The following ERI1 variants were observed in gnomAD, a reference collection of about 807,000 sequenced individuals.
The protein encoded by ERI1 is 3'-5' exoribonuclease 1.
In ERI1, 39 loss-of-function variants were observed where a neutral mutation model predicts 39.7. The ratio of observed to expected loss-of-function variants is 0.98; its 90% CI spans 0.76 to 1.28. The LOEUF (loss-of-function observed/expected upper bound fraction) is 1.28. Among genes scored for constraint, ERI1 ranks in the 50% most tolerant of loss-of-function variants. The probability of loss-of-function intolerance (pLI) is 0.00; values close to 1 mark genes in which losing one functional copy is unlikely to be tolerated. For missense variants in ERI1, 581 were observed against 416.9 expected (o/e 1.39, Z -3.43); for synonymous variants, 204 against 149.6 (o/e 1.36, Z -2.65).
At chr8:9,066,678 C>T (rs1409933356) in intron 3 of ERI1, among the ~76,000 whole-genome samples, 1 of 152,132 alleles carries the variant, frequency 6.6e-6, no homozygotes, top group African/African-American at 2.4e-5. Flanking sequence ...ACATACTTAA[C>T]ATTTTAAGTA....
intron 3 of ERI1, among the ~76,000 whole-genome samples, chr8:9,041,119 T>G (rs1798005034): frequency 6.6e-6 from 1 of 152,098 alleles, no homozygotes; most frequent in Non-Finnish European, 1.5e-5. Flanking sequence ...AAGAGTACAG[T>G]GGGGGAACAA....
chr8:9,014,906 C>T (rs141719195), intron 3 of ERI1, among the ~76,000 whole-genome samples: 301 of 152,174 alleles, frequency 2.0e-3, no homozygotes, highest in African/African-American at 7.1e-3. Flanking sequence ...GGCTCAATCT[C>T]GGCTCACTGC....
chr8:9,013,396 G>C (rs13262827), intron 3 of ERI1, among the ~76,000 whole-genome samples: 1 of 151,066 alleles, frequency 6.6e-6, no homozygotes, highest in African/African-American at 2.4e-5. Flanking sequence ...ATTTTCTTCA[G>C]GTATAACTTG....
intron 3 of ERI1, among the ~76,000 whole-genome samples, chr8:9,059,826 G>A (rs1408004749): frequency 6.6e-6 from 1 of 152,206 alleles, no homozygotes; most frequent in East Asian, 1.9e-4. Context: ...GCATGTATGA[G>A]TAGTTGAGAA....
At chr8:9,064,058 G>A (rs12548747) in intron 3 of ERI1, among the ~76,000 whole-genome samples, 91,133 of 150,296 alleles carry the variant, frequency 0.61, 27,982 homozygotes, top group South Asian at 0.76. Flanking sequence ...AGGGGTTGGG[G>A]CACAGAGATA....
At chr8:9,095,598 T>TGGGCTCAAGCCTCCC in intron 3 of ERI1, among the ~76,000 whole-genome samples, 1 of 152,190 alleles carries the variant, frequency 6.6e-6, no homozygotes, top group South Asian at 2.1e-4. Flanking sequence ...CTCAACTTCC[T>TGGGCTCAAGCCTCCC]GGGCTCAAGC....
At chr8:9,075,587 A>G (rs1416654548) in intron 3 of ERI1, among the ~76,000 whole-genome samples, 1 of 151,852 alleles carries the variant, frequency 6.6e-6, no homozygotes, top group Non-Finnish European at 1.5e-5. Context: ...TTAGCCATGC[A>G]TTTTGTTGTT....
At chr8:9,096,610 T>A (rs768675045) in intron 3 of ERI1, 3 of 152,158 alleles carry the variant, frequency 2.0e-5, no homozygotes, top group Admixed American at 6.5e-5. Context: ...CTGCCTGATG[T>A]TGATTGTACA....
At chr8:9,023,335 G>A (rs770061951) in intron 6 of ERI1, among the ~76,000 whole-genome samples, 4 of 152,086 alleles carry the variant, frequency 2.6e-5, no homozygotes, top group Non-Finnish European at 4.4e-5. Flanking sequence ...TTATACTCCA[G>A]TTGAGAAGCT....
At chr8:9,050,273 AG>A (rs1166589683) in intron 3 of ERI1, among the ~76,000 whole-genome samples, 1 of 152,086 alleles carries the variant, frequency 6.6e-6, no homozygotes, top group Non-Finnish European at 1.5e-5. Flanking sequence ...TTTGGGAGGC[AG>A]GGGCTGGTGG....
chr8:9,081,668 C>CT (rs1563094209), intron 3 of ERI1, among the ~76,000 whole-genome samples: 1 of 150,534 alleles, frequency 6.6e-6, no homozygotes, highest in African/African-American at 2.5e-5. Context: ...TCTTCCTTTC[C>CT]TCTTCTTCTT....
intron 4 of ERI1, among the ~76,000 whole-genome samples, chr8:9,016,790 A>G (rs1817342339): frequency 2.6e-5 from 4 of 152,008 alleles, no homozygotes; most frequent in Admixed American, 2.0e-4. Context: ...GGCTCAAGCG[A>G]TTCTCCTGCC....
Position 9,054,706 on chromosome 8 carries a change from C to G in ERI1, n.299+34242C>G, listed in dbSNP as rs542697611. On this transcript the variant is annotated intron_variant and non_coding_transcript_variant, in intron 3 of 3. Transcript: ENST00000518663. ...TTGGGAGGCCAAGGGGGGCAGATCA[C>G]TTGAGGCCAAGAGTTTGAGATCAGG... Among the ~76,000 whole-genome samples, 3 of 152,350 alleles carry G rather than the reference C, an allele frequency of 2.0e-5. No homozygotes were observed. The East Asian group carries it at 5.8e-4, about 29-fold the overall frequency.
chr8:9,043,290 A>G (rs927105555), intron 3 of ERI1, among the ~76,000 whole-genome samples: 6 of 152,202 alleles, frequency 3.9e-5, no homozygotes, highest in Non-Finnish European at 7.3e-5. Context: ...AAACCTGTGT[A>G]TGCAGCACCC....
chr8:9,088,154 A>ATCC (rs1374329484), intron 3 of ERI1, among the ~76,000 whole-genome samples: 2 of 152,166 alleles, frequency 1.3e-5, no homozygotes, highest in East Asian at 3.8e-4. Flanking sequence ...CAGTTCAAAA[A>ATCC]GGAGGCCTTC....
chr8:9,003,240 T>C, intron 1 of ERI1, 69 bp downstream of exon 1: 1 of 977,626 alleles, frequency 1.0e-6, no homozygotes, highest in Non-Finnish European at 1.3e-6. Flanking sequence ...TCGGCACCCC[T>C]TTCTTCTCAG....
intron 3 of ERI1, among the ~76,000 whole-genome samples, chr8:9,095,592 A>G (rs1339348352): frequency 6.6e-6 from 1 of 152,044 alleles, no homozygotes; most frequent in Non-Finnish European, 1.5e-5. Context: ...TGCAGCCTCA[A>G]CTTCCTGGGC....
chr8:9,003,360 A>G (rs1815583878), intron 1 of ERI1, among the ~76,000 whole-genome samples, 189 bp downstream of exon 1: 1 of 152,184 alleles, frequency 6.6e-6, no homozygotes, highest in African/African-American at 2.4e-5. Flanking sequence ...CTCAGGGCCG[A>G]ATCACTCTCT....
intron 3 of ERI1, among the ~76,000 whole-genome samples, chr8:9,078,516 G>C (rs183442652): frequency 2.6e-5 from 4 of 152,278 alleles, no homozygotes; most frequent in Admixed American, 2.6e-4. Context: ...TGCAGACTCT[G>C]CTTCCCCTCA....
Sources: allele counts gnomAD v4.1 joint callset (sites outside exome capture counted in the v4.1 genomes callset), GRCh38; gene constraint gnomAD v4.1.1; transcripts MANE v1.5; gene names NCBI Gene and HGNC (gene_info 2026-07-23, HGNC 2026-07-21).